The following KLHL30 variants were observed in gnomAD, a reference collection of about 807,000 sequenced individuals.
KLHL30 encodes kelch like family member 30.
Under a neutral mutation model 55.0 loss-of-function variants are expected in KLHL30, and 55 were observed. The ratio of observed to expected loss-of-function variants is 1.00; its 90% CI spans 0.80 to 1.25. The LOEUF (loss-of-function observed/expected upper bound fraction) is 1.25, where lower values mean the gene tolerates loss of function less well. Among genes scored for constraint, KLHL30 ranks in the 50% most tolerant of loss-of-function variants. KLHL30 has a pLI of 0.00. For synonymous variants in KLHL30, 356 were observed against 372.6 expected (o/e 0.96, Z 0.51); for missense variants, 786 against 811.6 (o/e 0.97, Z 0.38).
chr2:238,148,899 C>T (rs1397180928), intron 6 of KLHL30, 108 bp from the exon 7 acceptor site: 8 of 1,142,454 alleles, frequency 7.0e-6, no homozygotes, highest in Non-Finnish European at 1.0e-5. Context: ...GACAGGTTCA[C>T]TGAGGTTCAG....
chr2:238,147,811 C>T lies in KLHL30; in HGVS notation c.1151-23C>T. 7.2e-7 allele frequency: 1 copy of T among 1,392,132 alleles called. No individual in the cohort carries two copies. 86.2% of individuals were successfully genotyped at this position (1,392,132 alleles called of 1,614,324 possible). On this transcript the variant is annotated intron_variant, in intron 5 of 7. Coordinates refer to ENST00000409223, the MANE Select transcript of KLHL30 (RefSeq NM_198582.4). The surrounding 1 kb of genome is among the most constrained non-coding windows in gnomAD (Gnocchi z 5.8). ...CTCCCCTCTCCTCCCCAGCCCTGAA[C>T]TGCCCCCGCCCTCACCCCACAGGCA...
intron 7 of KLHL30, among the ~76,000 whole-genome samples, chr2:238,150,116 G>T (rs772268115): frequency 6.6e-6 from 1 of 152,186 alleles, no homozygotes. Flanking sequence ...CCAGGCTAGC[G>T]TGTCTGCCTG....
In KLHL30 at chr2:238,150,990, C is replaced by CT. The variant is rs985105456; in HGVS notation, c.1663dup (p.Tyr555LeufsTer71). On this transcript the variant is annotated frameshift_variant, in exon 8 of 8. Transcript: ENST00000409223. LOFTEE classifies it high-confidence loss of function. ...ACGGCGCCCTGCCCCGGCTCTGGCT[C>CT]TACCACGGGGCCTCCACCGTCTTCC... 6.3e-7 allele frequency: 1 copy of CT among 1,589,618 alleles called. No individual in the cohort carries two copies. The highest frequency in any genetic ancestry group is 1.8e-5 in the Admixed American group (1 of 56,904).
chr2:238,141,744 G>A (rs997910122), intron 2 of KLHL30, among the ~76,000 whole-genome samples: 6 of 152,252 alleles, frequency 3.9e-5, no homozygotes, highest in Non-Finnish European at 5.9e-5. Flanking sequence ...TGTGCAAGGG[G>A]CAGGGGAATG....
intron 1 of KLHL30, among the ~76,000 whole-genome samples, 183 bp from the exon 2 acceptor site, chr2:238,140,502 C>G (rs1187870854): frequency 6.6e-6 from 1 of 152,202 alleles, no homozygotes; most frequent in East Asian, 1.9e-4. Flanking sequence ...GGAATGACAC[C>G]TGCCCTACCT....
Position 238,151,782 on chromosome 2 carries a change from A to C in KLHL30, c.*717A>C. On this transcript the variant is annotated 3_prime_UTR_variant, in exon 8 of 8. Coordinates refer to ENST00000409223, the MANE Select transcript of KLHL30 (RefSeq NM_198582.4). ...GAGGCAGGGCGTGGGGCGGGGCTGG[A>C]GGGTCCCAGGGAGGTGAGCAGTTTT... is the stretch of plus-strand genomic sequence containing the variant. 1.5e-6 allele frequency: 1 copy of C among 678,964 alleles called. No individual in the cohort carries two copies. The highest frequency in any genetic ancestry group is 1.3e-4 in the East Asian group (1 of 7,422). The allele number at this position is 678,964 out of a possible 1,614,324, so 42.1% of individuals were successfully genotyped here. A position where few individuals can be genotyped will look rare whatever the true frequency, so the allele number is the denominator to read the frequency against.
At chr2:238,142,700 A>C in intron 2 of KLHL30, 99 bp from the exon 3 acceptor site, 2 of 1,147,764 alleles carry the variant, frequency 1.7e-6, no homozygotes, top group Non-Finnish European at 2.3e-6. Flanking sequence ...ACATGCAAGC[A>C]CACATGCACT....
chr2:238,151,409 C>T lies in KLHL30; in HGVS notation c.*344C>T. ...GAGCTTGCGAGCCCCACTCCTGCCCCTGGACCCCAGCAGGGGCTTTTGGAG... is the reference window on the plus strand; with the variant it reads ...GAGCTTGCGAGCCCCACTCCTGCCCTTGGACCCCAGCAGGGGCTTTTGGAG... On this transcript the variant is annotated 3_prime_UTR_variant, in exon 8 of 8. Coordinates refer to ENST00000409223, the MANE Select transcript of KLHL30 (RefSeq NM_198582.4). The T allele has an allele frequency of 2.6e-6, 1 of 381,858 alleles. No individual in the cohort carries two copies. Among genetic ancestry groups the T allele is most frequent in the South Asian group, 3.5e-5 (1 of 28,764 alleles). 23.7% of individuals were successfully genotyped at this position (381,858 alleles called of 1,614,324 possible). A position where few individuals can be genotyped will look rare whatever the true frequency, so the allele number is the denominator to read the frequency against.
rs757165447 is a variant in KLHL30, at chr2:238,141,299, GT to G, written c.546del (p.Leu183TrpfsTer18). 2 of 1,598,660 alleles carry G rather than the reference GT, an allele frequency of 1.3e-6. No individual in the cohort carries two copies. Among genetic ancestry groups the G allele is most frequent in the Non-Finnish European group, 1.7e-6 (2 of 1,175,922 alleles). On this transcript the variant is annotated frameshift_variant, in exon 2 of 8. Coordinates refer to ENST00000409223, the MANE Select transcript of KLHL30 (RefSeq NM_198582.4). LOFTEE classifies it high-confidence loss of function. ...LQLPRERLVT[C>X]LAGDLLQVQP... The stretch of plus-strand genomic sequence containing the variant: ...CTTCCCCGAGAGCGGCTGGTCACTT[GT>G]CTGGCCGGCGACCTGCTGCAGGTAC...
chr2:238,140,416 C>G lies in KLHL30; in HGVS notation c.-70-269C>G, dbSNP rs1214231325. On this transcript the variant is annotated intron_variant, in intron 1 of 7. Coordinates refer to ENST00000409223, the MANE Select transcript of KLHL30 (RefSeq NM_198582.4). ...CCCAGGGCATGGGTTCTTTTGCCAA[C>G]CCTGTTCTGCCCTGAATGCCTGGCC... Among the ~76,000 whole-genome samples the G allele has an allele frequency of 3.3e-5, 5 of 152,192 alleles. No homozygotes were observed. In the East Asian group the frequency reaches 9.6e-4, roughly 29 times the overall value.
rs1228342970 is a variant in KLHL30 at position 238,140,459 on chromosome 2, C to T, written c.-70-226C>T. Among the ~76,000 whole-genome samples the T allele has an allele frequency of 2.0e-5, 3 of 152,134 alleles. No individual in the cohort carries two copies. In the East Asian group the frequency reaches 5.8e-4, roughly 29 times the overall value. Reference sequence around the variant, plus strand: ...GCCTGGCCATGGGTAGGTCTCCCACCCTCTCTGAACCTCAATTTCCTCACT... The same window carrying T: ...GCCTGGCCATGGGTAGGTCTCCCACTCTCTCTGAACCTCAATTTCCTCACT... On this transcript the variant is annotated intron_variant, in intron 1 of 7. Coordinates refer to ENST00000409223, the MANE Select transcript of KLHL30 (RefSeq NM_198582.4).
At position 238,151,366 on chromosome 2, in the gene KLHL30, G is replaced by A. The variant is rs996969702; in HGVS notation, c.*301G>A. On this transcript the variant is annotated 3_prime_UTR_variant, in exon 8 of 8. Coordinates refer to ENST00000409223, the MANE Select transcript of KLHL30 (RefSeq NM_198582.4). ...GAGACCTCAGAGAGGGGAGCCGGGGGCCGGGCCAGCATTCCCAGAGCTTGC... is the reference window on the plus strand; with the variant it reads ...GAGACCTCAGAGAGGGGAGCCGGGGACCGGGCCAGCATTCCCAGAGCTTGC... 6 of 467,064 alleles carry A rather than the reference G, an allele frequency of 1.3e-5. No individual in the cohort carries two copies. Among genetic ancestry groups the A allele is most frequent in the African/African-American group, 5.8e-5 (3 of 51,370 alleles). 28.9% of individuals were successfully genotyped at this position (467,064 alleles called of 1,614,324 possible). A position where few individuals can be genotyped will look rare whatever the true frequency, so the allele number is the denominator to read the frequency against.
rs1180712184 is a variant in KLHL30 at position 238,140,805 on chromosome 2, G to A, written c.51G>A (p.Gln17=). The change falls in exon 2 of 8, where the codon CAG becomes CAA. Residue 17 remains glutamine (Q), a synonymous_variant. Coordinates refer to ENST00000409223, the MANE Select transcript of KLHL30 (RefSeq NM_198582.4). ...DLDFHLPSHA[Q]DMLDGLQRLR... Reference sequence around the variant, plus strand: ...ATTTCCACCTGCCCTCGCATGCCCAGGACATGCTGGATGGCCTGCAGCGCC... The same window carrying A: ...ATTTCCACCTGCCCTCGCATGCCCAAGACATGCTGGATGGCCTGCAGCGCC... 1 of 1,597,336 alleles carries A rather than the reference G, an allele frequency of 6.3e-7. No individual in the cohort carries two copies. Among genetic ancestry groups the A allele is most frequent in the South Asian group, 1.1e-5 (1 of 89,938 alleles).
rs1163200792 is a variant in KLHL30, at chr2:238,144,419, G to GC, written c.908-483_908-482insC. The stretch of plus-strand genomic sequence containing the variant: ...GGAAGGAAGGAAGGAAGGAAGGAAG[G>GC]AAGGAAGGAAGGAAGGCAGGCAGGC... On this transcript the variant is annotated intron_variant, in intron 3 of 7. Coordinates refer to ENST00000409223, the MANE Select transcript of KLHL30 (RefSeq NM_198582.4). 2.1e-3 allele frequency among the ~76,000 whole-genome samples: 259 copies of GC among 120,510 alleles called. 1 individual carries two copies. Among genetic ancestry groups the GC allele is most frequent in the Middle Eastern group, 4.2e-3 (1 of 238 alleles). 79.1% of individuals were successfully genotyped at this position (120,510 alleles called of 152,430 possible). A position where few individuals can be genotyped will look rare whatever the true frequency, so the allele number is the denominator to read the frequency against.
intron 5 of KLHL30, 27 bp downstream of exon 5, chr2:238,145,859 T>G: frequency 6.4e-7 from 1 of 1,567,622 alleles, no homozygotes; most frequent in Non-Finnish European, 8.7e-7. Context: ...CACCCTTCCC[T>G]GGGGCCTGGT....
Position 238,142,904 on chromosome 2 carries a change from A to C in KLHL30, c.880A>C (p.Asn294His). The C allele has an allele frequency of 6.6e-7, 1 of 1,505,228 alleles. No homozygotes were observed. Among genetic ancestry groups the C allele is most frequent in the Non-Finnish European group, 8.8e-7 (1 of 1,139,474 alleles). 93.2% of individuals were successfully genotyped at this position (1,505,228 alleles called of 1,614,324 possible). A position where few individuals can be genotyped will look rare whatever the true frequency, so the allele number is the denominator to read the frequency against. Reference sequence around the variant, plus strand: ...TGAGGAGCCCACCCCCGGCCTTGGGAACTTTGCCTTCTACAACAGCAAGGC... The same window carrying C: ...TGAGGAGCCCACCCCCGGCCTTGGGCACTTTGCCTTCTACAACAGCAAGGC... ...AGEEPTPGLG[N>H]FAFYNSKAKR... is the part of the protein sequence containing the mutation. The change falls in exon 3 of 8, where the codon AAC (asparagine) becomes CAC (histidine). Residue 294 changes from asparagine to histidine, a missense_variant. Coordinates refer to ENST00000409223, the MANE Select transcript of KLHL30 (RefSeq NM_198582.4).
At position 238,141,429 on chromosome 2, in the gene KLHL30, C is replaced by T. The variant is rs186644946; in HGVS notation, c.675C>T (p.Asp225=). The T allele has an allele frequency of 4.8e-3, 7,552 of 1,561,560 alleles. 23 individuals carry two copies. The highest frequency in any genetic ancestry group is 5.9e-3 in the Non-Finnish European group (6,878 of 1,159,616). The part of the protein sequence containing the change: ...LPELLSLVHL[D]AVPRPCVQQL... ...AGCTGCTCAGCCTAGTGCACCTGGA[C>T]GCCGTGCCCAGGCCCTGCGTGCAGC... The change falls in exon 2 of 8, where the codon GAC becomes GAT. Residue 225 remains aspartate, a synonymous_variant. Coordinates refer to ENST00000409223, the MANE Select transcript of KLHL30 (RefSeq NM_198582.4).
intron 7 of KLHL30, among the ~76,000 whole-genome samples, chr2:238,150,172 C>T (rs1462753585): frequency 1.3e-5 from 2 of 152,206 alleles, no homozygotes; most frequent in Non-Finnish European, 2.9e-5. Context: ...CAGCCCAGGC[C>T]ACTGTCCCAG....
At chr2:238,139,011 G>T (rs988650216) in intron 1 of KLHL30, among the ~76,000 whole-genome samples, 1 of 152,200 alleles carries the variant, frequency 6.6e-6, no homozygotes, top group Admixed American at 6.5e-5. Flanking sequence ...GGCAGCCAGG[G>T]CCACTCAGCC....
Sources: allele counts gnomAD v4.1 joint callset (sites outside exome capture counted in the v4.1 genomes callset), GRCh38; gene constraint gnomAD v4.1.1; non-coding constraint Gnocchi (gnomAD v3.1); transcripts MANE v1.5; gene names NCBI Gene and HGNC (gene_info 2026-07-23, HGNC 2026-07-21).